CADM2: variants seen among roughly 807,000 people sequenced by gnomAD.
The protein encoded by CADM2 is immunoglobulin superfamily member 4D.
CADM2 carries 12 observed loss-of-function variants against 49.8 expected under a neutral mutation model. The observed-to-expected ratio is 0.24, with a 90% CI of 0.15 to 0.39. The LOEUF (loss-of-function observed/expected upper bound fraction) is 0.39, where lower values mean the gene tolerates loss of function less well. Among genes scored for constraint, CADM2 ranks in the 10% least tolerant of loss-of-function variants. The pLI, the probability that CADM2 is intolerant of heterozygous loss-of-function variation, is 1.00. For missense variants in CADM2, 378 were observed against 492.3 expected (o/e 0.77, Z 2.20); for synonymous variants, 214 against 175.4 (o/e 1.22, Z -1.74).
intron 8 of CADM2, among the ~76,000 whole-genome samples, chr3:86,004,831 A>G (rs557816630): frequency 6.6e-5 from 10 of 152,326 alleles, no homozygotes; most frequent in African/African-American, 2.2e-4. Context: ...ACTGAAGTTC[A>G]GTGGTAACTT....
intron 1 of CADM2, among the ~76,000 whole-genome samples, chr3:85,411,333 C>G (rs905047936): frequency 5.9e-5 from 9 of 152,144 alleles, no homozygotes; most frequent in African/African-American, 2.2e-4. Context: ...CCCAACAAAC[C>G]TTGTGCACTT....
intron 8 of CADM2, among the ~76,000 whole-genome samples, chr3:86,028,641 A>G (rs1220070939): frequency 6.6e-6 from 1 of 152,128 alleles, no homozygotes; most frequent in Non-Finnish European, 1.5e-5. Context: ...TGTGCACTAA[A>G]TTACCTCCTG....
In CADM2 at chr3:85,389,739, A is replaced by T. The variant is rs571270337; in HGVS notation, c.62-336783A>T. ...TTTTTTTGTATTATAAAACTTCTAG[A>T]TCCCATGTAATGTGTGTGCAATCAA... On this transcript the variant is annotated intron_variant, in intron 1 of 9. Coordinates refer to ENST00000383699, the MANE Select transcript of CADM2 (RefSeq NM_001167675.2). Among the ~76,000 whole-genome samples the T allele has an allele frequency of 2.6e-5, 4 of 152,170 alleles. No individual in the cohort carries two copies. The South Asian group carries it at 8.3e-4, about 32-fold the overall frequency.
intron 1 of CADM2, among the ~76,000 whole-genome samples, chr3:85,476,033 T>C (rs923410878): frequency 6.6e-6 from 1 of 151,898 alleles, no homozygotes; most frequent in African/African-American, 2.4e-5. Flanking sequence ...TAATGAATCA[T>C]TGAAGAAAAA....
At chr3:85,304,454 A>G (rs752611865) in intron 1 of CADM2, among the ~76,000 whole-genome samples, 1 of 151,896 alleles carries the variant, frequency 6.6e-6, no homozygotes, top group South Asian at 2.1e-4. Flanking sequence ...ACTAAAAATC[A>G]TCTGGAACTG....
chr3:85,866,593 T>A (rs2075729727), intron 3 of CADM2, among the ~76,000 whole-genome samples: 1 of 152,204 alleles, frequency 6.6e-6, no homozygotes, highest in Non-Finnish European at 1.5e-5. Context: ...CTCTTAAAAA[T>A]CAGTACAGGC....
intron 2 of CADM2, among the ~76,000 whole-genome samples, chr3:85,781,552 A>T (rs2070653359): frequency 1.3e-5 from 2 of 152,326 alleles, no homozygotes; most frequent in Admixed American, 1.3e-4. Flanking sequence ...GAGAGAATGT[A>T]GAAAATGAGA....
At chr3:85,081,646 C>T (rs189350999) in intron 1 of CADM2, among the ~76,000 whole-genome samples, 56 of 152,224 alleles carry the variant, frequency 3.7e-4, no homozygotes, top group Non-Finnish European at 6.3e-4. Flanking sequence ...AGATAGGTTA[C>T]GTCCCACAGG....
chr3:85,189,587 A>G (rs1016406261), intron 1 of CADM2, among the ~76,000 whole-genome samples: 10 of 152,250 alleles, frequency 6.6e-5, no homozygotes, highest in African/African-American at 2.4e-4. Flanking sequence ...CCAGAAGCTT[A>G]GTATTTTAAC....
chr3:85,251,725 A>G (rs1300664874), intron 1 of CADM2, among the ~76,000 whole-genome samples: 1 of 151,994 alleles, frequency 6.6e-6, no homozygotes, highest in Non-Finnish European at 1.5e-5. Flanking sequence ...TCATCCTATC[A>G]CTGGCATATT....
intron 1 of CADM2, among the ~76,000 whole-genome samples, chr3:85,726,118 G>A (rs1467663895): frequency 6.6e-6 from 1 of 151,956 alleles, no homozygotes; most frequent in Non-Finnish European, 1.5e-5. Context: ...GATGGAAGTG[G>A]CCTGCTTTTC....
chr3:85,486,881 G>T (rs528378971), intron 1 of CADM2, among the ~76,000 whole-genome samples: 1 of 152,138 alleles, frequency 6.6e-6, no homozygotes, highest in Non-Finnish European at 1.5e-5. Flanking sequence ...AGGTCAAAAT[G>T]TCCCTTCTCT....
chr3:86,014,777 C>T, intron 8 of CADM2: 2 of 1,473,754 alleles, frequency 1.4e-6, no homozygotes, highest in South Asian at 2.8e-5. Context: ...GTTGGAGAAT[C>T]AAATAGAAAC....
intron 1 of CADM2, among the ~76,000 whole-genome samples, chr3:85,460,320 C>A (rs2038184597): frequency 6.6e-6 from 1 of 151,920 alleles, no homozygotes; most frequent in African/African-American, 2.4e-5. Context: ...TACCAAGAAG[C>A]ATGAACCACT....
At chr3:85,777,107 C>T (rs1164126368) in intron 2 of CADM2, among the ~76,000 whole-genome samples, 2 of 151,878 alleles carry the variant, frequency 1.3e-5, no homozygotes, top group Admixed American at 6.6e-5. Context: ...ATTTCTTTCT[C>T]TTACTTTCAT....
intron 1 of CADM2, among the ~76,000 whole-genome samples, chr3:85,506,527 C>T (rs1283378721): frequency 1.3e-5 from 2 of 152,026 alleles, no homozygotes; most frequent in African/African-American, 4.8e-5. Context: ...GAAATAATTT[C>T]AGAGTTTGTA....
intron 1 of CADM2, among the ~76,000 whole-genome samples, chr3:85,391,386 A>G (rs1398715660): frequency 1.3e-5 from 2 of 152,194 alleles, no homozygotes; most frequent in South Asian, 2.1e-4. Flanking sequence ...TTTTCAGTGG[A>G]AGAGGTTATA....
At chr3:85,608,879 C>T (rs1429116363) in intron 1 of CADM2, among the ~76,000 whole-genome samples, 2 of 152,012 alleles carry the variant, frequency 1.3e-5, no homozygotes, top group Non-Finnish European at 2.9e-5. Flanking sequence ...TATTTAAAAG[C>T]TTTCTTGGTT....
At chr3:85,160,994 C>G (rs1257762038) in intron 1 of CADM2, among the ~76,000 whole-genome samples, 1 of 152,094 alleles carries the variant, frequency 6.6e-6, no homozygotes, top group Non-Finnish European at 1.5e-5. Flanking sequence ...TTGTAAAGCT[C>G]CAGGATGGAT....
Sources: allele counts gnomAD v4.1 joint callset (sites outside exome capture counted in the v4.1 genomes callset), GRCh38; gene constraint gnomAD v4.1.1; transcripts MANE v1.5; gene names NCBI Gene and HGNC (gene_info 2026-07-23, HGNC 2026-07-21).